Variants in GGCX observed in about 807,000 individuals in gnomAD.
The protein encoded by GGCX is vitamin K-dependent gamma-carboxylase.
GGCX carries 63 observed loss-of-function variants against 88.5 expected under a neutral mutation model. That is an observed-to-expected ratio of 0.71 (90% CI 0.58 to 0.88). The LOEUF (loss-of-function observed/expected upper bound fraction) is 0.88. Among genes scored for constraint, GGCX ranks in the 40% least tolerant of loss-of-function variants. The pLI, the probability that GGCX is intolerant of heterozygous loss-of-function variation, is 0.00. For missense variants in GGCX, 805 were observed against 932.9 expected (o/e 0.86, Z 1.79); for synonymous variants, 368 against 365.8 (o/e 1.01, Z -0.07).
In GGCX at chr2:85,544,962, A is replaced by C. The variant is rs1372026232; in HGVS notation, c.*4972T>G. The C allele has an allele frequency of 6.6e-6, 1 of 152,164 alleles. No individual in the cohort carries two copies. Among genetic ancestry groups the C allele is most frequent in the Non-Finnish European group, 1.5e-5 (1 of 67,956 alleles). 9.4% of individuals were successfully genotyped at this position (152,164 alleles called of 1,614,324 possible). ...GATTTTTTTTTTTTCTCTCAACACCATGATTCCTTTAACAACATGTTTCCA... is the reference window on the plus strand; with the variant it reads ...GATTTTTTTTTTTTCTCTCAACACCCTGATTCCTTTAACAACATGTTTCCA... On this transcript the variant is annotated 3_prime_UTR_variant, in exon 15 of 15. Coordinates refer to ENST00000233838, the MANE Select transcript of GGCX (RefSeq NM_000821.7).
chr2:85,551,333 T>G, intron 12 of GGCX, 147 bp downstream of exon 12: 2 of 859,260 alleles, frequency 2.3e-6, no homozygotes, highest in Non-Finnish European at 3.9e-6. Flanking sequence ...CCATTGTTTT[T>G]TAAATTGTTA....
rs1209330447 is a variant in GGCX at position 85,551,623 on chromosome 2, C to T, written c.1610-13G>A. 1 of 1,612,828 alleles carries T rather than the reference C, an allele frequency of 6.2e-7. No homozygotes were observed. The highest frequency in any genetic ancestry group is 8.5e-7 in the Non-Finnish European group (1 of 1,180,006). On this transcript the variant is annotated splice_polypyrimidine_tract_variant and intron_variant, in intron 11 of 14. Coordinates refer to ENST00000233838, the MANE Select transcript of GGCX (RefSeq NM_000821.7). ...TCCAAGTGCAGTCCTGCCAGACCAA[C>T]AGAGTTCATCATCCCACCCCATGGC...
chr2:85,559,405 A>G (rs1427331681), intron 2 of GGCX, among the ~76,000 whole-genome samples: 4 of 152,164 alleles, frequency 2.6e-5, no homozygotes, highest in South Asian at 2.1e-4. Flanking sequence ...GATCCATCCT[A>G]TTGAGCTTCA....
chr2:85,553,111 C>A, intron 8 of GGCX, 41 bp from the exon 9 acceptor site: 1 of 1,613,936 alleles, frequency 6.2e-7, no homozygotes, highest in South Asian at 1.1e-5. Context: ...CAATGCTTCT[C>A]ACACTGACCC....
chr2:85,551,653 T>C, intron 11 of GGCX, 43 bp from the exon 12 acceptor site: 1 of 1,611,198 alleles, frequency 6.2e-7, no homozygotes, highest in Non-Finnish European at 8.5e-7. Flanking sequence ...CATGGCAGAG[T>C]GAACTCACTC....
At chr2:85,560,420 C>G (rs142016715) in intron 2 of GGCX, among the ~76,000 whole-genome samples, 2,770 of 152,124 alleles carry the variant, frequency 0.018, 35 homozygotes, top group Middle Eastern at 0.034. Context: ...AACCCCGTCT[C>G]TACTAAAAAC....
Position 85,550,690 on chromosome 2 carries a change from G to A in GGCX, c.1949C>T (p.Pro650Leu). The A allele has an allele frequency of 1.9e-6, 3 of 1,614,156 alleles. No individual in the cohort carries two copies. The highest frequency in any genetic ancestry group is 2.5e-6 in the Non-Finnish European group (3 of 1,180,012). The change falls in exon 14 of 15, where the codon CCT (proline) becomes CTT (leucine). Residue 650 changes from proline (P) to leucine (L), a missense_variant. Transcript: ENST00000233838. ...GGTCTGAACCAGAGGTGTTGGCTCA[G>A]GGCCCCCTTTTACTTCCCCTTCCAA... ...PLLEGEVKGG[P>L]EPTPLVQTFL...
Position 85,544,858 on chromosome 2 carries a change from T to C in GGCX, c.*5076A>G, listed in dbSNP as rs1371743567. On this transcript the variant is annotated 3_prime_UTR_variant, in exon 15 of 15. Coordinates refer to ENST00000233838, the MANE Select transcript of GGCX (RefSeq NM_000821.7). The stretch of plus-strand genomic sequence containing the variant: ...GGAAATCCCTTCATACTTGAACGTT[T>C]TCTAATTGCTTATTTATTGTATTCT... 1 of 152,656 alleles carries C rather than the reference T, an allele frequency of 6.6e-6. No individual in the cohort carries two copies. Among genetic ancestry groups the C allele is most frequent in the Admixed American group, 6.5e-5 (1 of 15,282 alleles). The allele number at this position is 152,656 out of a possible 1,614,324, so 9.5% of individuals were successfully genotyped here.
Position 85,560,942 on chromosome 2 carries a change from C to T in GGCX, c.87G>A (p.Arg29=). The T allele has an allele frequency of 6.2e-7, 1 of 1,614,012 alleles. No individual in the cohort carries two copies. The highest frequency in any genetic ancestry group is 1.1e-5 in the South Asian group (1 of 91,078). The part of the protein sequence containing the change: ...KDKAELISGP[R]QDSRIGKLLG... ...AGAGTTTCCCTATTCGGCTGTCCTGCCTGGGCCCTGAGATCAGTTCAGCCT... is the reference window on the plus strand; with the variant it reads ...AGAGTTTCCCTATTCGGCTGTCCTGTCTGGGCCCTGAGATCAGTTCAGCCT... Residue 29 remains arginine, a synonymous_variant, in exon 2 of 15, where the codon AGG becomes AGA. Transcript: ENST00000233838.
rs1691839604 is a variant in GGCX at position 85,549,755 on chromosome 2, T to C, written c.*179A>G. On this transcript the variant is annotated 3_prime_UTR_variant, in exon 15 of 15. Coordinates refer to ENST00000233838, the MANE Select transcript of GGCX (RefSeq NM_000821.7). ...CTTAATCTTGGGTTGTTAAATCTTA[T>C]TTGCTTTATTTCCTTGGTTCCTCTA... 6.5e-6 allele frequency: 4 copies of C among 618,864 alleles called. No homozygotes were observed. The highest frequency in any genetic ancestry group is 1.9e-5 in the South Asian group (1 of 52,210). 38.3% of individuals were successfully genotyped at this position (618,864 alleles called of 1,614,324 possible). A position where few individuals can be genotyped will look rare whatever the true frequency, so the allele number is the denominator to read the frequency against.
At chr2:85,555,930 C>T (rs1692186791) in intron 5 of GGCX, among the ~76,000 whole-genome samples, 1 of 152,210 alleles carries the variant, frequency 6.6e-6, no homozygotes, top group Non-Finnish European at 1.5e-5. Flanking sequence ...AAAGCACAGA[C>T]TGAATCCTTT....
Position 85,558,426 on chromosome 2 carries a change from C to T in GGCX, c.539+14G>A, listed in dbSNP as rs762089723. On this transcript the variant is annotated intron_variant, in intron 4 of 14. Transcript: ENST00000233838. ...CCCAGCCAACCCCTCCCCTTTGTCC[C>T]CCCTGACTCATACCAGTAGTGGTTT... 11 of 1,611,308 alleles carry T rather than the reference C, an allele frequency of 6.8e-6. No homozygotes were observed. Among genetic ancestry groups the T allele is most frequent in the East Asian group, 6.7e-5 (3 of 44,868 alleles).
At chr2:85,556,751 G>T (rs973384607) in intron 4 of GGCX, among the ~76,000 whole-genome samples, 1 of 152,308 alleles carries the variant, frequency 6.6e-6, no homozygotes, top group African/African-American at 2.4e-5. Flanking sequence ...TTCTGGAAGA[G>T]AACTGATTAG....
Position 85,552,491 on chromosome 2 carries a change from A to G in GGCX, c.1364T>C (p.Leu455Pro). 1 of 1,613,898 alleles carries G rather than the reference A, an allele frequency of 6.2e-7. No homozygotes were observed. Among genetic ancestry groups the G allele is most frequent in the Non-Finnish European group, 8.5e-7 (1 of 1,179,764 alleles). Residue 455 changes from leucine to proline, a missense_variant, in exon 10 of 15, where the codon CTT (leucine) becomes CCT (proline). Physicochemically the swap from Leu to Pro is moderately conservative, Grantham distance 98. Coordinates refer to ENST00000233838, the MANE Select transcript of GGCX (RefSeq NM_000821.7). ...GGGCTCAGTGACATTATACTTGGGA[A>G]GCAGGCGGCTCAGGCAAGTGGCATA... ...KQYATCLSRL[L>P]PKYNVTEPQI...
At position 85,546,416 on chromosome 2, in the gene GGCX, TAAAAA is replaced by T. The variant is rs11415157; in HGVS notation, c.*3513_*3517del. On this transcript the variant is annotated 3_prime_UTR_variant, in exon 15 of 15. Transcript: ENST00000233838. The stretch of plus-strand genomic sequence containing the variant: ...CCGGCCAGGGTAACAGAGTGAGACT[TAAAAA>T]AAAAGCCGTGGAAATCTGGGTATGG... 4.7e-5 allele frequency: 7 copies of T among 150,336 alleles called. No homozygotes were observed. Among genetic ancestry groups the T allele is most frequent in the African/African-American group, 7.4e-5 (3 of 40,752 alleles). 9.3% of individuals were successfully genotyped at this position (150,336 alleles called of 1,614,324 possible). A position where few individuals can be genotyped will look rare whatever the true frequency, so the allele number is the denominator to read the frequency against.
intron 5 of GGCX, 60 bp from the exon 6 acceptor site, chr2:85,555,650 G>T: frequency 1.1e-6 from 1 of 939,308 alleles, no homozygotes; most frequent in Non-Finnish European, 1.8e-6. Context: ...AGATAGGCAA[G>T]AATAAAATAA....
In GGCX at chr2:85,545,355, C is replaced by T. The variant is rs138686161; in HGVS notation, c.*4579G>A. 2,803 of 152,678 alleles carry T rather than the reference C, an allele frequency of 0.018. 37 individuals carry two copies. The highest frequency in any genetic ancestry group is 0.034 in the Middle Eastern group (10 of 294). The allele number at this position is 152,678 out of a possible 1,614,324, so 9.5% of individuals were successfully genotyped here. A position where few individuals can be genotyped will look rare whatever the true frequency, so the allele number is the denominator to read the frequency against. ...CCTATAATCCCAACACTTTGAAAGGCTGAGGTAGGAGGATCACTTTAACAT... is the reference window on the plus strand; with the variant it reads ...CCTATAATCCCAACACTTTGAAAGGTTGAGGTAGGAGGATCACTTTAACAT... On this transcript the variant is annotated 3_prime_UTR_variant, in exon 15 of 15. Transcript: ENST00000233838.
rs181695165 is a variant in GGCX at position 85,549,769 on chromosome 2, T to C, written c.*165A>G. The C allele has an allele frequency of 1.0e-4, 65 of 638,656 alleles. No individual in the cohort carries two copies. The Admixed American group carries it at 1.8e-3, about 17-fold the overall frequency. 39.6% of individuals were successfully genotyped at this position (638,656 alleles called of 1,614,324 possible). On this transcript the variant is annotated 3_prime_UTR_variant, in exon 15 of 15. Coordinates refer to ENST00000233838, the MANE Select transcript of GGCX (RefSeq NM_000821.7). ...GTTAAATCTTATTTGCTTTATTTCC[T>C]TGGTTCCTCTAAGTTGTAATCTCGG...
chr2:85,552,671 G>A, intron 9 of GGCX, 104 bp from the exon 10 acceptor site: 4 of 1,232,976 alleles, frequency 3.2e-6, no homozygotes, highest in Non-Finnish European at 4.8e-6. Context: ...TGCCCATTCT[G>A]GCTAGAAAAA....
Sources: gnomAD v4.1 joint callset for allele counts (sites outside exome capture counted in the v4.1 genomes callset) on GRCh38, gnomAD v4.1.1 for gene constraint, MANE v1.5 for transcripts, NCBI Gene and HGNC (gene_info 2026-07-23, HGNC 2026-07-21) for gene names.